Variants in SLC22A25 observed in about 807,000 individuals in gnomAD.
SLC22A25 encodes the protein solute carrier family 22 member 25.
A neutral mutation model predicts 45.9 loss-of-function variants in SLC22A25; 44 were observed. The ratio of observed to expected loss-of-function variants is 0.96; its 90% confidence interval spans 0.75 to 1.23. The LOEUF is 1.23. SLC22A25 is among the 50% of genes most tolerant of loss of function. The pLI is 0.00. For synonymous variants in SLC22A25, 283 were observed against 238.6 expected (o/e 1.19, Z -1.72); for missense variants, 800 against 666.4 (o/e 1.20, Z -2.21).
Position 63,217,714 on chromosome 11 carries a change from GA to G in SLC22A25, c.527del (p.Leu176ProfsTer11). ...TGGCGAGCTGGAGGTAAGACCATCT[GA>G]GCACGAACTTTCTCCCAAACCTGAG... is the stretch of plus-strand genomic sequence containing the variant. ...LSDRFGRKFV[L>X]RWSYLQLAIV... On this transcript the variant is annotated frameshift_variant, in exon 6 of 12. Transcript: ENST00000306494. LOFTEE classifies it high-confidence loss of function. The G allele has an allele frequency of 1.9e-6, 3 of 1,609,324 alleles. No homozygotes were observed. Among genetic ancestry groups the G allele is most frequent in the Non-Finnish European group, 2.5e-6 (3 of 1,178,846 alleles).
At chr11:63,169,061 G>A (rs1409002550) in intron 9 of SLC22A25, among the ~76,000 whole-genome samples, 2 of 152,104 alleles carry the variant, frequency 1.3e-5, no homozygotes, top group Non-Finnish European at 2.9e-5. Flanking sequence ...TTCATATACA[G>A]CCAAACTAAG....
intron 8 of SLC22A25, among the ~76,000 whole-genome samples, chr11:63,181,221 G>C (rs373425219): frequency 6.6e-6 from 1 of 152,014 alleles, no homozygotes; most frequent in South Asian, 2.1e-4. Context: ...TTTGGTTCTT[G>C]TTTCAGAAAT....
chr11:63,166,220 T>G lies in SLC22A25; in HGVS notation c.1109A>C (p.His370Pro), dbSNP rs1464166839. Residue 370 changes from histidine (H) to proline (P), a missense_variant, in exon 10 of 12, where the codon CAC becomes CCC. His to Pro is a moderately conservative substitution (Grantham distance 77). Coordinates refer to ENST00000306494, the MANE Select transcript of SLC22A25 (RefSeq NM_199352.6). ...STIPFWGLTL[H>P]LQHLGNNVFL... The stretch of plus-strand genomic sequence containing the variant: ...AACATTGTTTCCCAGATGCTGGAGG[T>G]GCAAAGTAAGGCCCCAAAAAGGGAT... 2.5e-6 allele frequency: 4 copies of G among 1,613,816 alleles called. No individual in the cohort carries two copies. The South Asian group carries it at 4.4e-5, about 18-fold the overall frequency.
intron 9 of SLC22A25, among the ~76,000 whole-genome samples, chr11:63,168,407 G>C (rs1590775918): frequency 1.3e-5 from 2 of 152,114 alleles, no homozygotes; most frequent in African/African-American, 2.4e-5. Context: ...ATGCAAGGAA[G>C]TTAAGAACCT....
chr11:63,209,297 G>A (rs578210517), intron 7 of SLC22A25, among the ~76,000 whole-genome samples: 8 of 152,236 alleles, frequency 5.3e-5, no homozygotes, highest in African/African-American at 1.9e-4. Flanking sequence ...AGAAAGCAGA[G>A]GAACCTAAAG....
rs2089595195 is a variant in SLC22A25, at chr11:63,212,426, A to T, written c.830+4888T>A. On this transcript the variant is annotated intron_variant, in intron 7 of 11. Coordinates refer to ENST00000306494, the MANE Select transcript of SLC22A25 (RefSeq NM_199352.6). ...AGACTTGGAACCAACCCAAATGTCCACCAATGATAGACTGGATTAAGAAAA... is the reference window on the plus strand; with the variant it reads ...AGACTTGGAACCAACCCAAATGTCCTCCAATGATAGACTGGATTAAGAAAA... 2.6e-5 allele frequency among the ~76,000 whole-genome samples: 4 copies of T among 152,318 alleles called. No homozygotes were observed. In the South Asian group the frequency reaches 8.3e-4, roughly 32 times the overall value.
intron 5 of SLC22A25, 37 bp from the exon 6 acceptor site, chr11:63,217,772 A>C (rs2089755879): frequency 3.2e-6 from 5 of 1,568,384 alleles, no homozygotes; most frequent in Non-Finnish European, 4.3e-6. Flanking sequence ...TGGGAACAAT[A>C]ACAACCTTTG....
At chr11:63,169,264 A>G (rs1279170752) in intron 9 of SLC22A25, among the ~76,000 whole-genome samples, 1 of 152,206 alleles carries the variant, frequency 6.6e-6, no homozygotes, top group Non-Finnish European at 1.5e-5. Flanking sequence ...GCATCAACTA[A>G]TGTGCAAACT....
At chr11:63,187,734 A>G (rs1339738960) in intron 7 of SLC22A25, among the ~76,000 whole-genome samples, 1 of 152,172 alleles carries the variant, frequency 6.6e-6, no homozygotes, top group Non-Finnish European at 1.5e-5. Flanking sequence ...TACCTAATTT[A>G]TTGAGAATTT....
At chr11:63,214,327 C>T (rs1241284541) in intron 7 of SLC22A25, among the ~76,000 whole-genome samples, 1 of 152,106 alleles carries the variant, frequency 6.6e-6, no homozygotes, top group Non-Finnish European at 1.5e-5. Flanking sequence ...AGCGCAGCTC[C>T]GTGAAGAGGT....
In SLC22A25 at chr11:63,166,434, A is replaced by T. The variant is rs2087688006; in HGVS notation, c.1071-176T>A. On this transcript the variant is annotated intron_variant, in intron 9 of 11. Coordinates refer to ENST00000306494, the MANE Select transcript of SLC22A25 (RefSeq NM_199352.6). ...AAAGTTATCATAAAATAATGGTTAG[A>T]TGATAGTGGTAACAATTGTATCTTG... is the stretch of plus-strand genomic sequence containing the variant. 5 of 1,426,218 alleles carry T rather than the reference A, an allele frequency of 3.5e-6. No homozygotes were observed. In the Middle Eastern group the frequency reaches 7.8e-4, roughly 221 times the overall value. The allele number at this position is 1,426,218 out of a possible 1,614,324, so 88.3% of individuals were successfully genotyped here.
intron 5 of SLC22A25, among the ~76,000 whole-genome samples, chr11:63,228,235 C>A (rs776737529): frequency 6.6e-6 from 1 of 152,164 alleles, no homozygotes. Flanking sequence ...TTTTGAAACA[C>A]CCCCAGGTCA....
chr11:63,236,047 A>T (rs1343126332), intron 3 of SLC22A25, among the ~76,000 whole-genome samples: 2 of 151,940 alleles, frequency 1.3e-5, no homozygotes, highest in African/African-American at 4.8e-5. Flanking sequence ...GTGTCAGTCC[A>T]CCCCTAATGG....
chr11:63,206,923 C>T (rs1324888043), intron 7 of SLC22A25, among the ~76,000 whole-genome samples: 1 of 152,130 alleles, frequency 6.6e-6, no homozygotes, highest in Non-Finnish European at 1.5e-5. Context: ...GCAGTGGTAC[C>T]AAAACAGATA....
rs182041197 is a variant in SLC22A25 at position 63,159,514 on chromosome 11, C to T, written c.*4310G>A. On this transcript the variant is annotated 3_prime_UTR_variant, in exon 12 of 12. Coordinates refer to ENST00000306494, the MANE Select transcript of SLC22A25 (RefSeq NM_199352.6). ...GTAAGTTGTGCCTTTCACCTTCTGC[C>T]GTGATTGTGAGGCTTCCCCAGCCAG... Among the ~76,000 whole-genome samples the T allele has an allele frequency of 1.3e-3, 202 of 152,276 alleles. 3 individuals are homozygous for T. Among genetic ancestry groups the T allele is most frequent in the African/African-American group, 3.6e-3 (151 of 41,542 alleles).
intron 3 of SLC22A25, among the ~76,000 whole-genome samples, chr11:63,237,481 C>T (rs1462350121): frequency 6.6e-6 from 1 of 152,116 alleles, no homozygotes; most frequent in Non-Finnish European, 1.5e-5. Context: ...TGAGATGATA[C>T]AGCACAAAGT....
At position 63,163,962 on chromosome 11, in the gene SLC22A25, T is replaced by C; in HGVS notation, c.1506A>G (p.Gly502=). The change falls in exon 12 of 12, where the codon GGA becomes GGG. Residue 502 remains glycine, a synonymous_variant. Coordinates refer to ENST00000306494, the MANE Select transcript of SLC22A25 (RefSeq NM_199352.6). ...YSRPLPWIIY[G]VFAILSGLVV... Reference sequence around the variant, plus strand: ...CAAGGCCAGAGAGGATGGCAAAGACTCCATAGATGATCCAGGGCAGGGGTC... The same window carrying C: ...CAAGGCCAGAGAGGATGGCAAAGACCCCATAGATGATCCAGGGCAGGGGTC... The C allele has an allele frequency of 1.2e-6, 2 of 1,613,802 alleles. No homozygotes were observed. Among genetic ancestry groups the C allele is most frequent in the Non-Finnish European group, 1.7e-6 (2 of 1,179,884 alleles).
At chr11:63,194,889 G>GAAAAAAAAA (rs1565091135) in intron 7 of SLC22A25, among the ~76,000 whole-genome samples, 2 of 14,288 alleles carry the variant, frequency 1.4e-4, no homozygotes, top group Non-Finnish European at 2.8e-4. Context: ...CAAATGGAAA[G>GAAAAAAAAA]CAAAAAAAAA....
chr11:63,235,494 A>G (rs776094065), intron 3 of SLC22A25, among the ~76,000 whole-genome samples: 3 of 152,198 alleles, frequency 2.0e-5, no homozygotes, highest in Non-Finnish European at 4.4e-5. Flanking sequence ...TTTCGGCTTC[A>G]TCAGGTCCTT....
Sources: gnomAD v4.1 joint callset for allele counts (sites outside exome capture counted in the v4.1 genomes callset) on GRCh38, gnomAD v4.1.1 for gene constraint, MANE v1.5 for transcripts, NCBI Gene and HGNC (gene_info 2026-07-23, HGNC 2026-07-21) for gene names.